RAB11FIP4: variants seen among roughly 807,000 people sequenced by gnomAD.
RAB11FIP4 encodes RAB11 family interacting protein 4, also known as rab11 family-interacting protein 4.
RAB11FIP4 carries 23 observed loss-of-function variants against 74.3 expected under a neutral mutation model. The ratio of observed to expected loss-of-function variants is 0.31; its 90% CI spans 0.22 to 0.44. The LOEUF (loss-of-function observed/expected upper bound fraction) is 0.44, where lower values mean the gene tolerates loss of function less well. Ranked by LOEUF, RAB11FIP4 falls within the 20% of genes least tolerant of loss-of-function variation. The pLI, the probability that RAB11FIP4 is intolerant of heterozygous loss-of-function variation, is 1.00. For synonymous variants in RAB11FIP4, 360 were observed against 359.9 expected (o/e 1.00, Z 0.00); for missense variants, 630 against 863.9 (o/e 0.73, Z 3.39).
chr17:31,493,533 C>T (rs1289972701), intron 3 of RAB11FIP4, among the ~76,000 whole-genome samples: 1 of 152,058 alleles, frequency 6.6e-6, no homozygotes, highest in African/African-American at 2.4e-5. Context: ...AGTCTCCCTC[C>T]TAGAATAGGA....
intron 1 of RAB11FIP4, among the ~76,000 whole-genome samples, chr17:31,427,815 G>A (rs74494874): frequency 0.015 from 2,292 of 152,260 alleles, 52 homozygotes; most frequent in African/African-American, 0.052. Flanking sequence ...CCAGGATGGT[G>A]GGTGGGCTCC....
At chr17:31,448,940 G>A (rs975353119) in intron 3 of RAB11FIP4, among the ~76,000 whole-genome samples, 6 of 152,096 alleles carry the variant, frequency 3.9e-5, no homozygotes, top group African/African-American at 1.2e-4. Context: ...AATCAGAGTC[G>A]TCAGCCTGAT....
chr17:31,536,705 A>G lies in RAB11FIP4; in HGVS notation c.*4973A>G, dbSNP rs2072970058. On this transcript the variant is annotated 3_prime_UTR_variant, in exon 15 of 15. Transcript: ENST00000621161. The stretch of plus-strand genomic sequence containing the variant: ...GGTCCTCACTTCCTGCCCTGGGTGC[A>G]CACATGAATGGGGCAGCCAGCAGGA... 1 of 318,446 alleles carries G rather than the reference A, an allele frequency of 3.1e-6. No homozygotes were observed. Among genetic ancestry groups the G allele is most frequent in the East Asian group, 4.8e-5 (1 of 20,794 alleles). The allele number at this position is 318,446 out of a possible 1,614,324, so 19.7% of individuals were successfully genotyped here.
At chr17:31,507,738 C>G (rs2072378228) in intron 3 of RAB11FIP4, among the ~76,000 whole-genome samples, 1 of 152,192 alleles carries the variant, frequency 6.6e-6, no homozygotes, top group Non-Finnish European at 1.5e-5. Flanking sequence ...AGCAGTCCTC[C>G]TGCCTCAGCC....
chr17:31,447,881 C>T (rs2071483173), intron 3 of RAB11FIP4, among the ~76,000 whole-genome samples: 1 of 149,094 alleles, frequency 6.7e-6, no homozygotes, highest in East Asian at 2.0e-4. Flanking sequence ...AGTGCAGTGG[C>T]GCGATCTCAG....
At chr17:31,524,186 A>G (rs1368150472) in intron 9 of RAB11FIP4, 190 bp downstream of exon 9, 6 of 575,860 alleles carry the variant, frequency 1.0e-5, no homozygotes, top group Non-Finnish European at 1.9e-5. Context: ...GGACAGGGAG[A>G]CAGGTTGGAG....
rs1035941176 is a variant in RAB11FIP4, at chr17:31,536,065, G to A, written c.*4333G>A. 1.3e-5 allele frequency: 2 copies of A among 151,778 alleles called. No individual in the cohort carries two copies. The highest frequency in any genetic ancestry group is 2.4e-5 in the African/African-American group (1 of 41,284). The allele number at this position is 151,778 out of a possible 1,614,324, so 9.4% of individuals were successfully genotyped here. On this transcript the variant is annotated 3_prime_UTR_variant, in exon 15 of 15. Transcript: ENST00000621161. ...GGGGGGGGGGCGCGGGGACAGAAGC[G>A]CGGGTTCTTGGTTCCAATGAGGGAC...
chr17:31,525,580 G>T (rs11871967), intron 10 of RAB11FIP4: 15,136 of 264,660 alleles, frequency 0.057, 848 homozygotes, highest in African/African-American at 0.18. Context: ...CAGAGCCCCA[G>T]GGCCAAGGTA....
At chr17:31,437,294 G>T (rs1293622817) in intron 3 of RAB11FIP4, among the ~76,000 whole-genome samples, 1 of 152,286 alleles carries the variant, frequency 6.6e-6, no homozygotes, top group East Asian at 1.9e-4. Flanking sequence ...GGGGCAGACG[G>T]CTTCTGGATT....
intron 3 of RAB11FIP4, among the ~76,000 whole-genome samples, chr17:31,466,327 T>C (rs1432952687): frequency 1.3e-5 from 2 of 152,158 alleles, no homozygotes; most frequent in African/African-American, 2.4e-5. Context: ...CCACTTCTAG[T>C]CCTGTGACCT....
At chr17:31,460,397 T>C (rs2071623199) in intron 3 of RAB11FIP4, among the ~76,000 whole-genome samples, 1 of 152,178 alleles carries the variant, frequency 6.6e-6, no homozygotes, top group Non-Finnish European at 1.5e-5. Flanking sequence ...CGTGAGACTT[T>C]GGACAGGTTG....
intron 3 of RAB11FIP4, among the ~76,000 whole-genome samples, chr17:31,489,755 G>A (rs186857459): frequency 6.6e-6 from 1 of 152,222 alleles, no homozygotes; most frequent in Non-Finnish European, 1.5e-5. Flanking sequence ...GCGGGGTGAG[G>A]GAAGCCGCTA....
At chr17:31,453,532 G>C (rs1597925677) in intron 3 of RAB11FIP4, among the ~76,000 whole-genome samples, 2 of 151,950 alleles carry the variant, frequency 1.3e-5, no homozygotes, top group South Asian at 4.1e-4. Flanking sequence ...TGTAACTCGT[G>C]TCTTCCTCCC....
At position 31,536,638 on chromosome 17, in the gene RAB11FIP4, C is replaced by T. The variant is rs546531019; in HGVS notation, c.*4906C>T. The T allele has an allele frequency of 3.8e-4, 77 of 202,978 alleles. No homozygotes were observed. The East Asian group carries it at 5.4e-3, about 14-fold the overall frequency. 12.6% of individuals were successfully genotyped at this position (202,978 alleles called of 1,614,324 possible). A position where few individuals can be genotyped will look rare whatever the true frequency, so the allele number is the denominator to read the frequency against. ...GGGCCTCAAGTTAGAAGGGCCATGC[C>T]GTCAGTGGATGACTTTGAGCGCTGA... On this transcript the variant is annotated 3_prime_UTR_variant, in exon 15 of 15. Coordinates refer to ENST00000621161, the MANE Select transcript of RAB11FIP4 (RefSeq NM_032932.6).
intron 1 of RAB11FIP4, among the ~76,000 whole-genome samples, chr17:31,393,488 C>T (rs2070896973): frequency 6.6e-6 from 1 of 152,248 alleles, no homozygotes; most frequent in Non-Finnish European, 1.5e-5. Flanking sequence ...TCCCAACAAC[C>T]TCTGGCAGGG....
At chr17:31,521,732 A>T in intron 5 of RAB11FIP4, 183 bp from the exon 6 acceptor site, 1 of 685,010 alleles carries the variant, frequency 1.5e-6, no homozygotes, top group Non-Finnish European at 2.4e-6. Flanking sequence ...GGTATGCCTC[A>T]CTGGCTTCTC....
intron 1 of RAB11FIP4, among the ~76,000 whole-genome samples, chr17:31,398,467 G>C (rs1233861818): frequency 4.6e-5 from 7 of 152,180 alleles, no homozygotes; most frequent in Admixed American, 4.6e-4. Flanking sequence ...GCCATGGGGG[G>C]TGGGGGGTGT....
intron 3 of RAB11FIP4, among the ~76,000 whole-genome samples, chr17:31,494,049 G>A (rs943037184): frequency 2.6e-5 from 4 of 152,134 alleles, no homozygotes; most frequent in Non-Finnish European, 4.4e-5. Flanking sequence ...CACCTGCCTC[G>A]CAGGGTGATG....
In RAB11FIP4 at chr17:31,392,223, A is replaced by AGCGTCAC. The variant is rs1332080959; in HGVS notation, c.159+222_159+228dup. ...TCCGCCCCCCGGCGCCCGTGCCCCG[A>AGCGTCAC]GCGTCACGCGTCACGCCTAGGGTGG... On this transcript the variant is annotated intron_variant, in intron 1 of 14. Transcript: ENST00000621161. The AGCGTCAC allele has an allele frequency of 2.2e-5, 8 of 362,960 alleles. No homozygotes were observed. The South Asian group carries it at 6.7e-4, about 30-fold the overall frequency. The allele number at this position is 362,960 out of a possible 1,614,324, so 22.5% of individuals were successfully genotyped here. A position where few individuals can be genotyped will look rare whatever the true frequency, so the allele number is the denominator to read the frequency against.
Sources: gnomAD v4.1 joint callset for allele counts (sites outside exome capture counted in the v4.1 genomes callset) on GRCh38, gnomAD v4.1.1 for gene constraint, MANE v1.5 for transcripts, NCBI Gene and HGNC (gene_info 2026-07-23, HGNC 2026-07-21) for gene names.